Variants in PIK3C3 observed in about 807,000 individuals in gnomAD.
The protein encoded by PIK3C3 is PI3-kinase type 3.
PIK3C3 carries 95 observed loss-of-function variants against 126.1 expected under a neutral mutation model. That is an observed-to-expected ratio of 0.75 (90% CI 0.64 to 0.89). The LOEUF is 0.89. PIK3C3 is among the 40% of genes least tolerant of loss of function. The pLI, the probability that PIK3C3 is intolerant of heterozygous loss-of-function variation, is 0.00. For synonymous variants in PIK3C3, 374 were observed against 360.0 expected (o/e 1.04, Z -0.44); for missense variants, 829 against 1,063.2 (o/e 0.78, Z 3.06).
chr18:42,015,091 CT>C (rs768497650), intron 11 of PIK3C3, among the ~76,000 whole-genome samples: 1 of 151,840 alleles, frequency 6.6e-6, no homozygotes. Flanking sequence ...TTTTTTAGTT[CT>C]TTTTTTAAGC....
At chr18:42,019,115 C>T (rs944002229) in intron 12 of PIK3C3, among the ~76,000 whole-genome samples, 1 of 152,076 alleles carries the variant, frequency 6.6e-6, no homozygotes, top group African/African-American at 2.4e-5. Context: ...TTCCCATCAC[C>T]GGTTTTATAG....
At chr18:42,058,319 A>AT (rs1189981834) in intron 22 of PIK3C3, among the ~76,000 whole-genome samples, 1 of 152,226 alleles carries the variant, frequency 6.6e-6, no homozygotes, top group East Asian at 1.9e-4. Flanking sequence ...TGAAGCAAAC[A>AT]TGGAGGCTTC....
At chr18:42,005,659 G>A (rs557390541) in intron 10 of PIK3C3, among the ~76,000 whole-genome samples, 3 of 152,262 alleles carry the variant, frequency 2.0e-5, no homozygotes, top group South Asian at 2.1e-4. Flanking sequence ...AATGTCGATC[G>A]CATAGAACAA....
chr18:42,067,585 G>C (rs1985597239), intron 24 of PIK3C3, 72 bp downstream of exon 24: 9 of 1,491,282 alleles, frequency 6.0e-6, no homozygotes, highest in Non-Finnish European at 8.3e-6. Flanking sequence ...GGAGAGCCAT[G>C]CATTTCTCCT....
chr18:42,043,101 T>G (rs1057222725), intron 19 of PIK3C3, among the ~76,000 whole-genome samples: 1 of 139,878 alleles, frequency 7.1e-6, no homozygotes, highest in East Asian at 2.0e-4. Context: ...TAGGATAAAC[T>G]TTTTTTTTTT....
intron 9 of PIK3C3, among the ~76,000 whole-genome samples, chr18:41,999,596 A>T (rs540621036): frequency 6.6e-6 from 1 of 152,180 alleles, no homozygotes; most frequent in Non-Finnish European, 1.5e-5. Context: ...ATATAAGACT[A>T]TGAGCTTTCA....
At chr18:42,069,644 G>A (rs994168139) in intron 24 of PIK3C3, among the ~76,000 whole-genome samples, 3 of 152,076 alleles carry the variant, frequency 2.0e-5, no homozygotes, top group Non-Finnish European at 2.9e-5. Context: ...TGTAGCAGGG[G>A]ATTTACCCGT....
At position 42,036,737 on chromosome 18, in the gene PIK3C3, G is replaced by T. The variant is rs151184179; in HGVS notation, c.1840-955G>T. On this transcript the variant is annotated intron_variant, in intron 16 of 24. Coordinates refer to ENST00000262039, the MANE Select transcript of PIK3C3 (RefSeq NM_002647.4). ...AACATAATATTATTCCAGAATAAAA[G>T]ATACAGATATTTGAGATCTCCTCTC... 2.0e-5 allele frequency among the ~76,000 whole-genome samples: 3 copies of T among 151,994 alleles called. No homozygotes were observed. The East Asian group carries it at 5.8e-4, about 29-fold the overall frequency.
chr18:42,013,267 A>G (rs1982915109), intron 10 of PIK3C3, among the ~76,000 whole-genome samples, 175 bp from the exon 11 acceptor site: 1 of 152,144 alleles, frequency 6.6e-6, no homozygotes, highest in Admixed American at 6.5e-5. Flanking sequence ...CATTTTAAAG[A>G]TGAAGGGGCT....
chr18:41,989,801 G>A (rs1296191584), intron 5 of PIK3C3, among the ~76,000 whole-genome samples: 1 of 152,106 alleles, frequency 6.6e-6, no homozygotes, highest in Non-Finnish European at 1.5e-5. Context: ...GTCGTTAAGT[G>A]ACATGTGACC....
chr18:42,022,491 T>C (rs1983373107), intron 13 of PIK3C3, among the ~76,000 whole-genome samples: 2 of 152,224 alleles, frequency 1.3e-5, no homozygotes, highest in South Asian at 4.1e-4. Context: ...AGCACTCTTT[T>C]AACACACACA....
intron 4 of PIK3C3, among the ~76,000 whole-genome samples, chr18:41,981,041 C>A (rs1276541294): frequency 6.6e-6 from 1 of 152,134 alleles, no homozygotes; most frequent in Non-Finnish European, 1.5e-5. Flanking sequence ...ACCAAATATA[C>A]CTCCTAGATA....
At chr18:42,051,715 A>T (rs2144493909) in intron 21 of PIK3C3, among the ~76,000 whole-genome samples, 1 of 152,118 alleles carries the variant, frequency 6.6e-6, no homozygotes, top group Admixed American at 6.5e-5. Context: ...ATTTGGAGAG[A>T]ATTGTAATTT....
Position 42,050,388 on chromosome 18 carries a change from T to TAA in PIK3C3, c.2263+784_2263+785insAA, listed in dbSNP as rs1262944045. ...TCTTTATGCAGACAGCTTCCAGACT[T>TAA]ACAGCTTTTTACCTCAGTCCATTTC... is the stretch of plus-strand genomic sequence containing the variant. On this transcript the variant is annotated intron_variant, in intron 21 of 24. Coordinates refer to ENST00000262039, the MANE Select transcript of PIK3C3 (RefSeq NM_002647.4). 2.6e-5 allele frequency: 4 copies of TAA among 152,356 alleles called. No individual in the cohort carries two copies. The East Asian group carries it at 7.7e-4, about 29-fold the overall frequency. 9.4% of individuals were successfully genotyped at this position (152,356 alleles called of 1,614,324 possible).
chr18:41,977,880 T>C (rs640064), intron 4 of PIK3C3, among the ~76,000 whole-genome samples: 12,658 of 152,304 alleles, frequency 0.083, 1,722 homozygotes, highest in African/African-American at 0.28. Context: ...TGTCAGATTA[T>C]TGACTTGATC....
chr18:42,022,239 G>C (rs971461930), intron 13 of PIK3C3, among the ~76,000 whole-genome samples: 1 of 151,988 alleles, frequency 6.6e-6, no homozygotes, highest in Non-Finnish European at 1.5e-5. Context: ...TGCTGCACCC[G>C]GTAACTCATC....
intron 19 of PIK3C3, among the ~76,000 whole-genome samples, chr18:42,041,594 A>G (rs1365903373): frequency 6.6e-6 from 1 of 151,454 alleles, no homozygotes; most frequent in Non-Finnish European, 1.5e-5. Flanking sequence ...TTTGTAAAAA[A>G]AAAAAAAAAG....
intron 24 of PIK3C3, among the ~76,000 whole-genome samples, chr18:42,074,099 G>C (rs1311725738): frequency 6.6e-6 from 1 of 152,032 alleles, no homozygotes; most frequent in African/African-American, 2.4e-5. Flanking sequence ...GTGGAATTTT[G>C]TTTTTGTTTT....
At chr18:41,984,017 T>G (rs1981341564) in intron 4 of PIK3C3, among the ~76,000 whole-genome samples, 1 of 151,990 alleles carries the variant, frequency 6.6e-6, no homozygotes, top group Non-Finnish European at 1.5e-5. Context: ...GTGAATTCTG[T>G]TAAGAAACCT....
Sources: allele counts gnomAD v4.1 joint callset (sites outside exome capture counted in the v4.1 genomes callset), GRCh38; gene constraint gnomAD v4.1.1; transcripts MANE v1.5; gene names NCBI Gene and HGNC (gene_info 2026-07-23, HGNC 2026-07-21).